Variants in PKNOX2 observed in about 807,000 individuals in gnomAD.
PKNOX2 encodes the protein PBX/knotted 1 homeobox 2, also known as homeobox protein PKNOX2.
Under a neutral mutation model 53.1 loss-of-function variants are expected in PKNOX2, and 14 were observed. The ratio of observed to expected loss-of-function variants is 0.26; its 90% CI spans 0.17 to 0.41. PKNOX2 has a LOEUF of 0.41. Ranked by LOEUF, PKNOX2 falls within the 10% of genes least tolerant of loss-of-function variation. The pLI, the probability that PKNOX2 is intolerant of heterozygous loss-of-function variation, is 1.00. For missense variants in PKNOX2, 496 were observed against 602.8 expected, an observed-to-expected ratio of 0.82 and a Z score of 1.85; for synonymous variants, 257 against 242.8, an observed-to-expected ratio of 1.06 and a Z score of -0.54.
intron 1 of PKNOX2, among the ~76,000 whole-genome samples, chr11:125,169,634 T>C (rs1955137045): frequency 6.6e-6 from 1 of 152,146 alleles, no homozygotes; most frequent in African/African-American, 2.4e-5. Context: ...GTGGAATGTA[T>C]CACACACAGT....
At chr11:125,254,343 A>G (rs763051402) in intron 2 of PKNOX2, among the ~76,000 whole-genome samples, 1 of 151,996 alleles carries the variant, frequency 6.6e-6, no homozygotes, top group Non-Finnish European at 1.5e-5. Context: ...TACCCAGCCC[A>G]CCTCCCTGCC....
chr11:125,211,409 G>A (rs1314721759), intron 1 of PKNOX2, among the ~76,000 whole-genome samples: 1 of 152,138 alleles, frequency 6.6e-6, no homozygotes, highest in African/African-American at 2.4e-5. Context: ...GAATACAACT[G>A]TTGACAACAC....
At chr11:125,283,045 G>T (rs192194756) in intron 2 of PKNOX2, among the ~76,000 whole-genome samples, 3 of 152,076 alleles carry the variant, frequency 2.0e-5, no homozygotes, top group African/African-American at 4.8e-5. Context: ...CCAGCTACTC[G>T]GGAGGCTGAG....
At chr11:125,323,225 G>A (rs1682873743) in intron 2 of PKNOX2, among the ~76,000 whole-genome samples, 1 of 152,146 alleles carries the variant, frequency 6.6e-6, no homozygotes, top group Non-Finnish European at 1.5e-5. Flanking sequence ...TTGAGCCCAG[G>A]TCAAAATCAC....
intron 10 of PKNOX2, among the ~76,000 whole-genome samples, chr11:125,415,591 C>T (rs1452195338): frequency 6.6e-6 from 1 of 152,112 alleles, no homozygotes; most frequent in Non-Finnish European, 1.5e-5. Flanking sequence ...TTCTCCCAAA[C>T]TTATGTGAAC....
At chr11:125,385,831 G>C (rs1953591927) in intron 6 of PKNOX2, 109 bp downstream of exon 6, 2 of 1,336,968 alleles carry the variant, frequency 1.5e-6, no homozygotes, top group Middle Eastern at 1.8e-4. Flanking sequence ...AAGGTTTTGA[G>C]TGCCCACCAT....
At position 125,431,613 on chromosome 11, in the gene PKNOX2, A is replaced by G; in HGVS notation, c.*221A>G. 1.7e-6 allele frequency: 1 copy of G among 578,368 alleles called. No individual in the cohort carries two copies. Among genetic ancestry groups the G allele is most frequent in the East Asian group, 3.0e-5 (1 of 33,612 alleles). 35.8% of individuals were successfully genotyped at this position (578,368 alleles called of 1,614,324 possible). A position where few individuals can be genotyped will look rare whatever the true frequency, so the allele number is the denominator to read the frequency against. ...CCCCACTTCCCTGGAACTGCCGAGGACTCTGTTTGGCGGGGCCAGTCGAGC... is the reference window on the plus strand; with the variant it reads ...CCCCACTTCCCTGGAACTGCCGAGGGCTCTGTTTGGCGGGGCCAGTCGAGC... On this transcript the variant is annotated 3_prime_UTR_variant, in exon 13 of 13. Coordinates refer to ENST00000298282, the MANE Select transcript of PKNOX2 (RefSeq NM_001382323.2).
At chr11:125,186,418 G>A (rs915208210) in intron 1 of PKNOX2, among the ~76,000 whole-genome samples, 8 of 152,208 alleles carry the variant, frequency 5.3e-5, no homozygotes, top group Admixed American at 2.6e-4. Context: ...TTGAGAGGCT[G>A]AGGTAGGCAG....
At chr11:125,292,407 G>A (rs1270809975) in intron 2 of PKNOX2, among the ~76,000 whole-genome samples, 7 of 152,202 alleles carry the variant, frequency 4.6e-5, no homozygotes, top group African/African-American at 1.7e-4. Context: ...AGACAAGCCA[G>A]TGCCAGCCCT....
intron 1 of PKNOX2, among the ~76,000 whole-genome samples, chr11:125,186,235 G>A (rs1021508931): frequency 1.3e-5 from 2 of 151,970 alleles, no homozygotes; most frequent in Non-Finnish European, 2.9e-5. Context: ...TTTTAAATTG[G>A]GTTGTTTATG....
At chr11:125,194,232 T>C (rs1957048035) in intron 1 of PKNOX2, among the ~76,000 whole-genome samples, 1 of 152,178 alleles carries the variant, frequency 6.6e-6, no homozygotes, top group Non-Finnish European at 1.5e-5. Flanking sequence ...CCCTCTGGGC[T>C]GGAGAGAGCA....
chr11:125,416,164 G>A (rs1020272757), intron 10 of PKNOX2, among the ~76,000 whole-genome samples: 13 of 151,402 alleles, frequency 8.6e-5, no homozygotes, highest in African/African-American at 2.4e-4. Flanking sequence ...TTAGCCGGGC[G>A]TGGTGGCGGG....
intron 2 of PKNOX2, among the ~76,000 whole-genome samples, chr11:125,263,439 C>T (rs529816650): frequency 1.3e-5 from 2 of 152,342 alleles, no homozygotes; most frequent in South Asian, 2.1e-4. Flanking sequence ...CCCACTCCCG[C>T]GGTAACAGCT....
At chr11:125,344,173 T>G (rs1297131657) in intron 3 of PKNOX2, among the ~76,000 whole-genome samples, 1 of 152,174 alleles carries the variant, frequency 6.6e-6, no homozygotes, top group Non-Finnish European at 1.5e-5. Flanking sequence ...GGGTCTCTAA[T>G]GTAAGCTTCT....
At chr11:125,332,823 A>G (rs1950215345) in intron 3 of PKNOX2, 1 of 152,168 alleles carries the variant, frequency 6.6e-6, no homozygotes, top group Non-Finnish European at 1.5e-5. Flanking sequence ...AGTTAATCAC[A>G]AAGATGAATG....
In PKNOX2 at chr11:125,351,373, C is replaced by A. The variant is rs942176570; in HGVS notation, c.68C>A (p.Pro23His). Reference protein sequence around the residue: ...MMATQNVPPPPYQDSPQMTAT... With the variant: ...MMATQNVPPPHYQDSPQMTAT... ...GCCACGCAGAATGTCCCGCCCCCAC[C>A]CTACCAGGACAGCCCACAGGTGAGT... is the stretch of plus-strand genomic sequence containing the variant. Residue 23 changes from proline (P) to histidine (H), a missense_variant, in exon 4 of 13, where the codon CCC becomes CAC. By Grantham distance (77) the Pro-to-His change is moderately conservative. This residue lies in a region of PKNOX2 where 168 missense variants were observed against 178.4 expected (regional missense o/e 0.94). Coordinates refer to ENST00000298282, the MANE Select transcript of PKNOX2 (RefSeq NM_001382323.2). 1 of 1,603,618 alleles carries A rather than the reference C, an allele frequency of 6.2e-7. No individual in the cohort carries two copies.
intron 1 of PKNOX2, among the ~76,000 whole-genome samples, chr11:125,212,402 A>C (rs1489326295): frequency 2.0e-5 from 3 of 148,120 alleles, no homozygotes; most frequent in Non-Finnish European, 4.5e-5. Context: ...ATTGTATCTG[A>C]TGTGGCCCCG....
Position 125,332,878 on chromosome 11 carries a change from G to A in PKNOX2, c.-23+953G>A, listed in dbSNP as rs182308475. Among the ~76,000 whole-genome samples, 388 of 152,156 alleles carry A rather than the reference G, an allele frequency of 2.6e-3. 2 individuals are homozygous for A. The highest frequency in any genetic ancestry group is 8.1e-3 in the African/African-American group (338 of 41,500). ...AAGCAGCTAGTTAGTCTATTTAGAG[G>A]TCCACATGTCTGAGGACAGACTGGC... is the stretch of plus-strand genomic sequence containing the variant. On this transcript the variant is annotated intron_variant, in intron 3 of 12. Transcript: ENST00000298282.
Position 125,240,832 on chromosome 11 carries a change from G to A in PKNOX2, c.-130+5717G>A, listed in dbSNP as rs1943086729. 6.6e-6 allele frequency among the ~76,000 whole-genome samples: 1 copy of A among 152,096 alleles called. No individual in the cohort carries two copies. The highest frequency in any genetic ancestry group is 1.5e-5 in the Non-Finnish European group (1 of 68,018). On this transcript the variant is annotated intron_variant, in intron 2 of 12. Transcript: ENST00000298282. The surrounding 1 kb of genome is among the most constrained non-coding windows in gnomAD (Gnocchi z 4.3). ...TCCCCTCCTCTTGCCTTTGCAGTTA[G>A]CCAGCCAAGCTGGCTCTTCAGAGAG...
Sources: gnomAD v4.1 joint callset for allele counts (sites outside exome capture counted in the v4.1 genomes callset) on GRCh38, gnomAD v4.1.1 for gene constraint, gnomAD v4.1.1 regional missense constraint, Gnocchi (gnomAD v3.1) non-coding constraint, MANE v1.5 for transcripts, NCBI Gene and HGNC (gene_info 2026-07-23, HGNC 2026-07-21) for gene names.